The following ATF7 variants were observed in gnomAD, a reference collection of about 807,000 sequenced individuals.
ATF7 encodes activating transcription factor 7.
A neutral mutation model predicts 50.4 loss-of-function variants in ATF7; 10 were observed. That is an observed-to-expected ratio of 0.20 (90% CI 0.12 to 0.34). The LOEUF (loss-of-function observed/expected upper bound fraction) is 0.34. Among genes scored for constraint, ATF7 ranks in the 10% least tolerant of loss-of-function variants. The probability of loss-of-function intolerance (pLI) is 1.00; values close to 1 mark genes in which losing one functional copy is unlikely to be tolerated. For missense variants in ATF7, 465 were observed against 613.9 expected, an observed-to-expected ratio of 0.76 and a Z score of 2.56; for synonymous variants, 201 against 226.4, an observed-to-expected ratio of 0.89 and a Z score of 1.01.
At chr12:53,611,011 G>A (rs535986997) in intron 1 of ATF7, among the ~76,000 whole-genome samples, 83 of 151,248 alleles carry the variant, frequency 5.5e-4, no homozygotes, top group Non-Finnish European at 8.6e-4. Context: ...TTTTTGTAGA[G>A]ACAGGGGGTC....
chr12:53,511,848 C>A (rs151029955), downstream of ATF7, among the ~76,000 whole-genome samples: 1 of 152,344 alleles, frequency 6.6e-6, no homozygotes, highest in African/African-American at 2.4e-5. Context: ...TGCCCTGGGC[C>A]TTCTGTCATA....
intron 4 of ATF7, among the ~76,000 whole-genome samples, chr12:53,539,361 C>T (rs1390724531): frequency 1.3e-5 from 2 of 151,792 alleles, no homozygotes; most frequent in South Asian, 2.1e-4. Context: ...GGAGGATCAC[C>T]TGAGGCCCGA....
intron 2 of ATF7, among the ~76,000 whole-genome samples, chr12:53,591,137 G>A (rs1353938795): frequency 2.0e-5 from 3 of 152,004 alleles, no homozygotes; most frequent in Admixed American, 6.6e-5. Flanking sequence ...GGAGGTATAC[G>A]GGAACTCTAC....
At chr12:53,620,156 T>C (rs1007729699) in intron 1 of ATF7, among the ~76,000 whole-genome samples, 9 of 151,534 alleles carry the variant, frequency 5.9e-5, no homozygotes, top group Non-Finnish European at 8.8e-5. Flanking sequence ...AAAAAAACCA[T>C]GGCCGAGCAC....
intron 5 of ATF7, among the ~76,000 whole-genome samples, chr12:53,535,551 C>G (rs1423449207): frequency 6.6e-6 from 1 of 151,928 alleles, no homozygotes; most frequent in Admixed American, 6.6e-5. Context: ...TGTTTTTGAT[C>G]TAGGTGCTGG....
chr12:53,602,091 T>A (rs1943430574), intron 1 of ATF7, among the ~76,000 whole-genome samples: 1 of 152,060 alleles, frequency 6.6e-6, no homozygotes, highest in Non-Finnish European at 1.5e-5. Flanking sequence ...AAAGATAAAC[T>A]GTATTTTGGA....
chr12:53,528,712 G>A (rs1283648039), intron 9 of ATF7, among the ~76,000 whole-genome samples: 4 of 151,988 alleles, frequency 2.6e-5, no homozygotes, highest in South Asian at 4.1e-4. Flanking sequence ...GCAGTGAGCC[G>A]AGATCGTGCC....
intron 2 of ATF7, among the ~76,000 whole-genome samples, chr12:53,569,668 AAATTTTTTTTT>A (rs533006591): frequency 9.5e-4 from 143 of 150,100 alleles, no homozygotes; most frequent in African/African-American, 3.2e-3. Context: ...GTAGATGTTC[AAATTTTTTTTT>A]AATTTTTTTT....
chr12:53,586,190 G>A (rs1163450975), intron 2 of ATF7, among the ~76,000 whole-genome samples: 1 of 152,300 alleles, frequency 6.6e-6, no homozygotes, highest in Non-Finnish European at 1.5e-5. Flanking sequence ...GAAAGTTAAA[G>A]TGTTGAATAT....
At chr12:53,546,461 T>C (rs1347299728) in intron 3 of ATF7, among the ~76,000 whole-genome samples, 1 of 102,870 alleles carries the variant, frequency 9.7e-6, no homozygotes, top group East Asian at 2.1e-3. Flanking sequence ...TCTTTCTTTT[T>C]TTTTTTTGAG....
chr12:53,549,643 G>T (rs1266832703), intron 3 of ATF7, among the ~76,000 whole-genome samples: 1 of 152,046 alleles, frequency 6.6e-6, no homozygotes, highest in South Asian at 2.1e-4. Context: ...GCAGTGGTGT[G>T]ATCTCAGCTT....
intron 3 of ATF7, among the ~76,000 whole-genome samples, chr12:53,549,892 A>G (rs1940217549): frequency 6.6e-6 from 1 of 152,046 alleles, no homozygotes; most frequent in South Asian, 2.1e-4. Context: ...CTAATTTTGT[A>G]TTTTTAGTAG....
chr12:53,541,750 CCT>C (rs1405418230), intron 4 of ATF7, among the ~76,000 whole-genome samples: 1 of 152,120 alleles, frequency 6.6e-6, no homozygotes, highest in Non-Finnish European at 1.5e-5. Context: ...AAATGTAATC[CCT>C]CTTTTAATGA....
intron 1 of ATF7, among the ~76,000 whole-genome samples, chr12:53,608,709 A>T (rs544664046): frequency 6.6e-6 from 1 of 152,328 alleles, no homozygotes; most frequent in African/African-American, 2.4e-5. Context: ...TAATAAAAAA[A>T]TTATATGCAA....
chr12:53,587,844 T>TATATA (rs1491300296), intron 2 of ATF7, among the ~76,000 whole-genome samples: 64 of 40,760 alleles, frequency 1.6e-3, no homozygotes, highest in South Asian at 6.8e-3. Flanking sequence ...TATATATATA[T>TATATA]TTTTTTTTTT....
chr12:53,597,075 G>A (rs1281578490), intron 2 of ATF7, among the ~76,000 whole-genome samples: 1 of 152,054 alleles, frequency 6.6e-6, no homozygotes, highest in Non-Finnish European at 1.5e-5. Context: ...AGGTTGATGA[G>A]GCCTCAAGAG....
chr12:53,601,831 T>C (rs1049735728), intron 1 of ATF7, among the ~76,000 whole-genome samples: 5 of 152,186 alleles, frequency 3.3e-5, no homozygotes, highest in Non-Finnish European at 7.3e-5. Flanking sequence ...CTGCAGGGGA[T>C]GAAAGAAATG....
intron 2 of ATF7, among the ~76,000 whole-genome samples, chr12:53,579,433 T>TA (rs1942275526): frequency 6.6e-6 from 1 of 151,286 alleles, no homozygotes; most frequent in Non-Finnish European, 1.5e-5. Context: ...ACACCTGTAA[T>TA]CCCAGCTACT....
chr12:53,542,108 T>TTTTTTTTTTTG (rs1939593640), intron 4 of ATF7, among the ~76,000 whole-genome samples: 1 of 91,828 alleles, frequency 1.1e-5, no homozygotes, highest in East Asian at 4.6e-4. Flanking sequence ...GCCTGGCCTG[T>TTTTTTTTTTTG]TTTTTTTTTT....
Sources: gnomAD v4.1 joint callset for allele counts (sites outside exome capture counted in the v4.1 genomes callset) on GRCh38, gnomAD v4.1.1 for gene constraint, MANE v1.5 for transcripts, NCBI Gene and HGNC (gene_info 2026-07-23, HGNC 2026-07-21) for gene names.